Variants in CD82 observed in about 807,000 individuals in gnomAD.
The protein encoded by CD82 is CD82 antigen.
In CD82, 36 loss-of-function variants were observed where a neutral mutation model predicts 37.4. The ratio of observed to expected loss-of-function variants is 0.96; its 90% CI spans 0.74 to 1.27. CD82 has a LOEUF of 1.27. Among genes scored for constraint, CD82 ranks in the 50% most tolerant of loss-of-function variants. CD82 has a pLI of 0.00. For synonymous variants in CD82, 158 were observed against 137.4 expected (o/e 1.15, Z -1.05); for missense variants, 340 against 347.0 (o/e 0.98, Z 0.16).
chr11:44,569,139 C>A (rs1485192471), intron 1 of CD82, among the ~76,000 whole-genome samples: 1 of 152,218 alleles, frequency 6.6e-6, no homozygotes, highest in Non-Finnish European at 1.5e-5. Context: ...CCCTACCCAC[C>A]CGCTTCCCCT....
At chr11:44,608,134 A>C (rs1012260569) in intron 6 of CD82, 18 of 152,236 alleles carry the variant, frequency 1.2e-4, no homozygotes, top group African/African-American at 4.3e-4. Flanking sequence ...ACGCATCATA[A>C]ATCTCAGTGG....
intron 1 of CD82, among the ~76,000 whole-genome samples, chr11:44,574,858 T>C (rs1459127715): frequency 6.6e-6 from 1 of 152,234 alleles, no homozygotes; most frequent in Non-Finnish European, 1.5e-5. Context: ...TATTGCACCA[T>C]AGGAATCTTC....
At chr11:44,564,902 G>A (rs954068554), upstream of CD82, among the ~76,000 whole-genome samples, 1 of 152,210 alleles carries the variant, frequency 6.6e-6, no homozygotes, top group African/African-American at 2.4e-5. Flanking sequence ...TAAAATAGGC[G>A]CAACGAGAGT....
At chr11:44,582,973 C>T (rs561826262) in intron 1 of CD82, among the ~76,000 whole-genome samples, 1 of 152,362 alleles carries the variant, frequency 6.6e-6, no homozygotes, top group Admixed American at 6.5e-5. Context: ...TCCCTATCCC[C>T]CAACATACAC....
At chr11:44,609,304 AGT>A (rs1187475547) in intron 6 of CD82, among the ~76,000 whole-genome samples, 1 of 152,062 alleles carries the variant, frequency 6.6e-6, no homozygotes. Flanking sequence ...CTCTCTAGAG[AGT>A]GGAGGTGGGA....
At chr11:44,598,912 G>C (rs1238196640) in intron 3 of CD82, among the ~76,000 whole-genome samples, 1 of 152,222 alleles carries the variant, frequency 6.6e-6, no homozygotes, top group Non-Finnish European at 1.5e-5. Context: ...GGTGGGCCCA[G>C]TCCAGGCCCC....
At chr11:44,578,472 C>T (rs1055790621) in intron 1 of CD82, among the ~76,000 whole-genome samples, 2 of 152,188 alleles carry the variant, frequency 1.3e-5, no homozygotes, top group African/African-American at 2.4e-5. Context: ...TACATCTATA[C>T]ACCCCCCTTC....
intron 2 of CD82, among the ~76,000 whole-genome samples, chr11:44,593,943 C>G (rs543472080): frequency 1.2e-4 from 19 of 152,104 alleles, no homozygotes; most frequent in Admixed American, 1.1e-3. Context: ...AAAAAACAGG[C>G]TAGAAAACAC....
At chr11:44,618,843 C>G in intron 9 of CD82, 120 bp downstream of exon 9, 2 of 901,544 alleles carry the variant, frequency 2.2e-6, no homozygotes, top group Non-Finnish European at 3.4e-6. Flanking sequence ...CTTCCAGAGG[C>G]CCTCTGGTCT....
chr11:44,601,465 C>A (rs1853308571), intron 4 of CD82, among the ~76,000 whole-genome samples: 1 of 152,144 alleles, frequency 6.6e-6, no homozygotes, highest in African/African-American at 2.4e-5. Flanking sequence ...TGTGACACAC[C>A]CTCCTTGGCC....
rs777055402 is a variant in CD82, at chr11:44,594,646, G to C, written c.-17G>C. ...CTGCCTGCCTTCTCTCTTCCAGGAA[G>C]CTCCAGGACTGGCGGGATGGGCTCA... On this transcript the variant is annotated 5_prime_UTR_variant, in exon 3 of 10. Transcript: ENST00000227155. 2 of 1,608,340 alleles carry C rather than the reference G, an allele frequency of 1.2e-6. No individual in the cohort carries two copies. The highest frequency in any genetic ancestry group is 1.7e-6 in the Non-Finnish European group (2 of 1,174,638).
chr11:44,601,577 G>A (rs1853310117), intron 4 of CD82, among the ~76,000 whole-genome samples: 1 of 152,160 alleles, frequency 6.6e-6, no homozygotes, highest in African/African-American at 2.4e-5. Context: ...CCACATTTCT[G>A]CCCTCTGCGC....
chr11:44,596,154 G>T (rs938469173), intron 3 of CD82, among the ~76,000 whole-genome samples: 23 of 152,220 alleles, frequency 1.5e-4, no homozygotes, highest in Non-Finnish European at 3.1e-4. Flanking sequence ...TGGCAGCCGG[G>T]CCTGGAACCC....
chr11:44,588,280 G>A (rs1853089655), intron 2 of CD82, among the ~76,000 whole-genome samples: 1 of 151,094 alleles, frequency 6.6e-6, no homozygotes, highest in African/African-American at 2.4e-5. Context: ...CTGGAGTGCA[G>A]AGGTGCGATC....
chr11:44,617,415 C>T (rs1196770584), intron 7 of CD82, among the ~76,000 whole-genome samples: 7 of 152,004 alleles, frequency 4.6e-5, no homozygotes, highest in South Asian at 4.1e-4. Context: ...AAACATTAGC[C>T]GGGCGTGATG....
At chr11:44,580,605 T>G (rs1043386005) in intron 1 of CD82, among the ~76,000 whole-genome samples, 2 of 152,084 alleles carry the variant, frequency 1.3e-5, no homozygotes, top group Non-Finnish European at 2.9e-5. Flanking sequence ...CCTGGCTACA[T>G]GGGAGGCTGA....
At chr11:44,566,851 C>T (rs906192715) in intron 1 of CD82, among the ~76,000 whole-genome samples, 1 of 151,904 alleles carries the variant, frequency 6.6e-6, no homozygotes, top group Non-Finnish European at 1.5e-5. Flanking sequence ...CTTGTGAAAG[C>T]CAGAAATTGC....
intron 2 of CD82, among the ~76,000 whole-genome samples, chr11:44,591,973 C>T (rs368386364): frequency 2.8e-4 from 42 of 152,264 alleles, no homozygotes; most frequent in African/African-American, 1.0e-3. Context: ...GCACCCACCC[C>T]CACGCCTGGC....
At position 44,619,135 on chromosome 11, in the gene CD82, C is replaced by A; in HGVS notation, c.*9C>A. The A allele has an allele frequency of 6.2e-7, 1 of 1,609,486 alleles. No homozygotes were observed. On this transcript the variant is annotated 3_prime_UTR_variant, in exon 10 of 10. Coordinates refer to ENST00000227155, the MANE Select transcript of CD82 (RefSeq NM_002231.4). ...AGGTCCCCAAGTACTGAGGCAGCTG[C>A]TATCCCCATCTCCCTGCCTGGCCCC...
Sources: allele counts gnomAD v4.1 joint callset (sites outside exome capture counted in the v4.1 genomes callset), GRCh38; gene constraint gnomAD v4.1.1; transcripts MANE v1.5; gene names NCBI Gene and HGNC (gene_info 2026-07-23, HGNC 2026-07-21).